The following MGAT5 variants were observed in gnomAD, a reference collection of about 807,000 sequenced individuals.
MGAT5 encodes the protein alpha-1,6-mannosylglycoprotein 6-beta-N-acetylglucosaminyltransferase A.
In MGAT5, 30 loss-of-function variants were observed where a neutral mutation model predicts 94.3. The observed-to-expected ratio is 0.32, with a 90% CI of 0.24 to 0.43. The LOEUF is 0.43. MGAT5 is among the 20% of genes least tolerant of loss of function. MGAT5 has a pLI of 1.00. For synonymous variants in MGAT5, 310 were observed against 322.9 expected, an observed-to-expected ratio of 0.96 and a Z score of 0.43; for missense variants, 691 against 905.5, an observed-to-expected ratio of 0.76 and a Z score of 3.04.
At chr2:134,414,660 A>C (rs2106336215) in intron 12 of MGAT5, among the ~76,000 whole-genome samples, 1 of 152,340 alleles carries the variant, frequency 6.6e-6, no homozygotes, top group Non-Finnish European at 1.5e-5. Context: ...AATTTCAAGT[A>C]TGCAATACAG....
chr2:134,381,827 A>T (rs1681648690), intron 10 of MGAT5, among the ~76,000 whole-genome samples: 1 of 152,156 alleles, frequency 6.6e-6, no homozygotes, highest in Non-Finnish European at 1.5e-5. Flanking sequence ...AAATCATTTC[A>T]ATTTGTAATT....
chr2:134,421,764 A>C (rs1220117377), intron 12 of MGAT5, among the ~76,000 whole-genome samples: 7 of 152,158 alleles, frequency 4.6e-5, no homozygotes, highest in Non-Finnish European at 1.0e-4. Context: ...TTATTATGGT[A>C]GCTGAAAATG....
Position 134,244,184 on chromosome 2 carries a change from T to C in MGAT5, c.-142-10078T>C, listed in dbSNP as rs76604464. ...AGGAGACCTACCTGACAAATTGACA[T>C]GCTGTGTGATCTTTTCACAGATGAT... On this transcript the variant is annotated intron_variant, in intron 1 of 16. Transcript: ENST00000409645. Among the ~76,000 whole-genome samples the C allele has an allele frequency of 1.6e-4, 24 of 152,356 alleles. No individual in the cohort carries two copies. In the East Asian group the frequency reaches 4.4e-3, roughly 28 times the overall value.
At chr2:134,354,164 A>T (rs1679570002) in intron 9 of MGAT5, among the ~76,000 whole-genome samples, 1 of 152,222 alleles carries the variant, frequency 6.6e-6, no homozygotes, top group Admixed American at 6.5e-5. Flanking sequence ...CTAGTGCTTA[A>T]TATATGAGCT....
intron 14 of MGAT5, among the ~76,000 whole-genome samples, chr2:134,433,138 T>C (rs1184002198): frequency 6.6e-6 from 1 of 152,244 alleles, no homozygotes; most frequent in African/African-American, 2.4e-5. Flanking sequence ...TCCTGCCTTT[T>C]TAGATGAGCC....
rs73958387 is a variant in MGAT5, at chr2:134,358,817, C to T, written c.1247-3458C>T. On this transcript the variant is annotated intron_variant, in intron 9 of 15. Transcript: ENST00000281923. ...TCATTTATTAAGTAGCTGGTAAGCT[C>T]CTTGAGGGCAGAAACTCATCTTTAT... is the stretch of plus-strand genomic sequence containing the variant. Among the ~76,000 whole-genome samples the T allele has an allele frequency of 8.9e-3, 1,350 of 152,258 alleles. 12 individuals carry two copies. Among genetic ancestry groups the T allele is most frequent in the African/African-American group, 0.03 (1,267 of 41,544 alleles).
intron 1 of MGAT5, among the ~76,000 whole-genome samples, chr2:134,143,529 G>A (rs906972665): frequency 3.9e-5 from 6 of 152,280 alleles, no homozygotes; most frequent in South Asian, 2.1e-4. Flanking sequence ...AGCTGAAACC[G>A]CGCTCGGCGC....
At chr2:134,369,106 A>C (rs576185237) in intron 10 of MGAT5, among the ~76,000 whole-genome samples, 48 of 152,310 alleles carry the variant, frequency 3.2e-4, no homozygotes, top group African/African-American at 1.1e-3. Flanking sequence ...TTGCTTACCC[A>C]GCTGCCTGGC....
intron 14 of MGAT5, among the ~76,000 whole-genome samples, chr2:134,429,412 C>G: frequency 6.6e-6 from 1 of 152,176 alleles, no homozygotes; most frequent in East Asian, 1.9e-4. Flanking sequence ...AGCAAGAGAG[C>G]GCGCTCTGCA....
intron 1 of MGAT5, among the ~76,000 whole-genome samples, chr2:134,262,644 C>G (rs1683410015): frequency 6.6e-6 from 1 of 152,256 alleles, no homozygotes; most frequent in Non-Finnish European, 1.5e-5. Context: ...CCTCAGCCTT[C>G]CAAAGTGCTG....
Position 134,257,699 on chromosome 2 carries a change from A to T in MGAT5, c.241+3055A>T, listed in dbSNP as rs570035804. Among the ~76,000 whole-genome samples the T allele has an allele frequency of 2.0e-5, 3 of 152,276 alleles. No homozygotes were observed. In the East Asian group the frequency reaches 5.8e-4, roughly 29 times the overall value. The stretch of plus-strand genomic sequence containing the variant: ...TATGCTTCCCTTGGAATCTGTCAGT[A>T]TCAGTAACATTGTGTGACATGCAGG... On this transcript the variant is annotated intron_variant, in intron 1 of 15. Transcript: ENST00000281923.
chr2:134,312,512 T>C (rs1014462090), intron 2 of MGAT5, among the ~76,000 whole-genome samples: 1 of 152,182 alleles, frequency 6.6e-6, no homozygotes, highest in Admixed American at 6.5e-5. Context: ...TCCTCTTCAG[T>C]TCTCTGGAAC....
chr2:134,295,022 C>T (rs1685590037), intron 2 of MGAT5, among the ~76,000 whole-genome samples: 1 of 152,154 alleles, frequency 6.6e-6, no homozygotes, highest in Admixed American at 6.5e-5. Context: ...ACTATCGTGG[C>T]AAAACTGCTG....
intron 2 of MGAT5, among the ~76,000 whole-genome samples, chr2:134,280,949 G>C (rs1358134052): frequency 6.6e-6 from 1 of 152,208 alleles, no homozygotes; most frequent in Non-Finnish European, 1.5e-5. Context: ...CATTCCCAAT[G>C]TTGCATTTTA....
intron 4 of MGAT5, among the ~76,000 whole-genome samples, chr2:134,332,982 T>C (rs1205709992): frequency 6.6e-6 from 1 of 152,182 alleles, no homozygotes; most frequent in Non-Finnish European, 1.5e-5. Flanking sequence ...TTTACACTGT[T>C]GGTGGGACTG....
chr2:134,377,219 A>C (rs1295058952), intron 10 of MGAT5, among the ~76,000 whole-genome samples: 3 of 152,168 alleles, frequency 2.0e-5, no homozygotes, highest in African/African-American at 4.8e-5. Context: ...TGGTTTCTTC[A>C]CTGGATGTCT....
intron 1 of MGAT5, among the ~76,000 whole-genome samples, chr2:134,170,431 TGG>T (rs1177806040): frequency 1.3e-5 from 2 of 152,216 alleles, no homozygotes; most frequent in African/African-American, 4.8e-5. Flanking sequence ...GTAATGACTG[TGG>T]GTTGAGCCTG....
At chr2:134,175,070 A>C (rs187213289) in intron 1 of MGAT5, among the ~76,000 whole-genome samples, 2 of 152,264 alleles carry the variant, frequency 1.3e-5, no homozygotes, top group East Asian at 3.9e-4. Flanking sequence ...GCCAGCCCAT[A>C]TCTCCCTACC....
chr2:134,350,874 T>G (rs1169607062), intron 9 of MGAT5, among the ~76,000 whole-genome samples: 1 of 152,146 alleles, frequency 6.6e-6, no homozygotes, highest in Non-Finnish European at 1.5e-5. Context: ...GTTTCCACTT[T>G]ATAACTTCTG....
Sources: allele counts gnomAD v4.1 joint callset (sites outside exome capture counted in the v4.1 genomes callset), GRCh38; gene constraint gnomAD v4.1.1; transcripts MANE v1.5; gene names NCBI Gene and HGNC (gene_info 2026-07-23, HGNC 2026-07-21).